Variants in DEDD2 observed in about 807,000 individuals in gnomAD.
DEDD2 encodes the protein DNA-binding death effector domain-containing protein 2.
DEDD2 carries 18 observed loss-of-function variants against 28.9 expected under a neutral mutation model. That is an observed-to-expected ratio of 0.62 (90% CI 0.43 to 0.92). The LOEUF is 0.92. Among genes scored for constraint, DEDD2 ranks in the 40% least tolerant of loss-of-function variants. DEDD2 has a pLI of 0.00. For missense variants in DEDD2, 411 were observed against 463.3 expected, an observed-to-expected ratio of 0.89 and a Z score of 1.04; for synonymous variants, 211 against 206.1, an observed-to-expected ratio of 1.02 and a Z score of -0.20.
intron 4 of DEDD2, among the ~76,000 whole-genome samples, chr19:42,206,146 C>T (rs1392688029): frequency 1.3e-5 from 2 of 151,616 alleles, no homozygotes; most frequent in East Asian, 1.9e-4. Context: ...TCAAATCCTC[C>T]AACTGCTTTC....
upstream of DEDD2, chr19:42,217,819 G>C (rs531255010): frequency 1.3e-5 from 2 of 152,446 alleles, no homozygotes; most frequent in African/African-American, 4.8e-5. Flanking sequence ...GCCCTTCCTG[G>C]GCCGCTTGAC....
chr19:42,206,882 G>A (rs948721686), intron 4 of DEDD2, among the ~76,000 whole-genome samples: 9 of 152,176 alleles, frequency 5.9e-5, no homozygotes, highest in Non-Finnish European at 8.8e-5. Flanking sequence ...ATTTTTCAGA[G>A]GGAAAAACAG....
chr19:42,203,224 A>T (rs950891203), intron 4 of DEDD2, among the ~76,000 whole-genome samples: 1 of 152,178 alleles, frequency 6.6e-6, no homozygotes, highest in Non-Finnish European at 1.5e-5. Context: ...CATACACATC[A>T]AATACACAAC....
chr19:42,219,399 G>A (rs1389956496), upstream of DEDD2, among the ~76,000 whole-genome samples: 1 of 151,912 alleles, frequency 6.6e-6, no homozygotes, highest in Non-Finnish European at 1.5e-5. Context: ...TCAGGAGTTC[G>A]AGAGCAGCCT....
At chr19:42,200,073 T>C (rs921561685) in intron 4 of DEDD2, among the ~76,000 whole-genome samples, 1 of 152,164 alleles carries the variant, frequency 6.6e-6, no homozygotes, top group Non-Finnish European at 1.5e-5. Context: ...TTTCCCTGGA[T>C]CTGCACAACA....
intron 2 of DEDD2, among the ~76,000 whole-genome samples, chr19:42,215,553 C>T (rs966802159): frequency 3.3e-5 from 5 of 152,214 alleles, no homozygotes; most frequent in African/African-American, 9.6e-5. Context: ...GCCCCCAGCT[C>T]TCCCCAAGGA....
At chr19:42,211,212 C>CT (rs80321591) in intron 3 of DEDD2, among the ~76,000 whole-genome samples, 12,101 of 152,050 alleles carry the variant, frequency 0.08, 672 homozygotes, top group South Asian at 0.18. Context: ...AAACCCGTCT[C>CT]TATTAAAATA....
chr19:42,200,911 C>T (rs1192216519), intron 4 of DEDD2, among the ~76,000 whole-genome samples: 1 of 152,158 alleles, frequency 6.6e-6, no homozygotes, highest in Admixed American at 6.5e-5. Context: ...CACCTCTCTT[C>T]CAGAATTTCT....
At chr19:42,212,268 A>G (rs1599779075) in intron 3 of DEDD2, among the ~76,000 whole-genome samples, 1 of 151,814 alleles carries the variant, frequency 6.6e-6, no homozygotes, top group Non-Finnish European at 1.5e-5. Flanking sequence ...CAGGAGGCTG[A>G]GGCAGGAGGA....
At chr19:42,217,431 T>C (rs938796523) in intron 1 of DEDD2, among the ~76,000 whole-genome samples, 24 of 152,164 alleles carry the variant, frequency 1.6e-4, no homozygotes, top group Middle Eastern at 3.4e-3. Context: ...GTCCCCCGGC[T>C]CTACGCAAGT....
intron 4 of DEDD2, among the ~76,000 whole-genome samples, chr19:42,202,245 T>A (rs2035361411): frequency 6.6e-6 from 1 of 151,940 alleles, no homozygotes; most frequent in Non-Finnish European, 1.5e-5. Context: ...CAGGCCTTCA[T>A]CTCTCTCTCA....
chr19:42,217,877 G>C (rs551582041), upstream of DEDD2: 2 of 152,432 alleles, frequency 1.3e-5, no homozygotes, highest in South Asian at 2.1e-4. Context: ...CGCTTGCGCA[G>C]AGCGAGAGCA....
chr19:42,215,098 G>A, intron 3 of DEDD2, 35 bp downstream of exon 3: 1 of 1,611,480 alleles, frequency 6.2e-7, no homozygotes, highest in Non-Finnish European at 8.5e-7. Flanking sequence ...AGGAAAAGAG[G>A]GATGCTGCCA....
chr19:42,214,913 C>T (rs542340897), intron 3 of DEDD2, among the ~76,000 whole-genome samples: 1 of 152,008 alleles, frequency 6.6e-6, no homozygotes, highest in Non-Finnish European at 1.5e-5. Flanking sequence ...CAGAGTAATA[C>T]CCACAATGTA....
At chr19:42,214,510 C>A (rs1405098371) in intron 3 of DEDD2, among the ~76,000 whole-genome samples, 1 of 152,124 alleles carries the variant, frequency 6.6e-6, no homozygotes, top group Non-Finnish European at 1.5e-5. Flanking sequence ...TGCCTGTAAT[C>A]CAGCACTTTG....
At chr19:42,207,484 C>T (rs1022822634) in intron 4 of DEDD2, among the ~76,000 whole-genome samples, 1 of 152,180 alleles carries the variant, frequency 6.6e-6, no homozygotes, top group African/African-American at 2.4e-5. Flanking sequence ...TTCCACTCCC[C>T]CCAGGGGCCT....
chr19:42,210,570 T>C (rs1333454759), intron 3 of DEDD2, among the ~76,000 whole-genome samples: 1 of 151,868 alleles, frequency 6.6e-6, no homozygotes, highest in Non-Finnish European at 1.5e-5. Flanking sequence ...ATTTTTTGTA[T>C]TTTAAGTAGA....
chr19:42,217,314 A>C (rs2036021793), intron 1 of DEDD2, among the ~76,000 whole-genome samples: 1 of 151,956 alleles, frequency 6.6e-6, no homozygotes, highest in Non-Finnish European at 1.5e-5. Context: ...GATGCGGCCC[A>C]AACAAGCCTC....
At chr19:42,202,179 C>A (rs1193345879) in intron 4 of DEDD2, 3 of 398,070 alleles carry the variant, frequency 7.5e-6, no homozygotes, top group Non-Finnish European at 1.3e-5. Flanking sequence ...AAGAAGGCTC[C>A]CAGAAACAGG....
Sources: allele counts gnomAD v4.1 joint callset (sites outside exome capture counted in the v4.1 genomes callset), GRCh38; gene constraint gnomAD v4.1.1; transcripts MANE v1.5; gene names NCBI Gene and HGNC (gene_info 2026-07-23, HGNC 2026-07-21).